ABCA13: variants seen among roughly 807,000 people sequenced by gnomAD.
The protein encoded by ABCA13 is ATP binding cassette subfamily A member 13.
A neutral mutation model predicts 478.7 loss-of-function variants in ABCA13; 476 were observed. The ratio of observed to expected loss-of-function variants is 0.99; its 90% CI spans 0.92 to 1.07. The LOEUF (loss-of-function observed/expected upper bound fraction) is 1.07. Among genes scored for constraint, ABCA13 ranks in the 50% least tolerant of loss-of-function variants. The probability of loss-of-function intolerance (pLI) is 0.00; values close to 1 mark genes in which losing one functional copy is unlikely to be tolerated. For missense variants in ABCA13, 6,060 were observed against 5,910.6 expected (o/e 1.03, Z -0.83); for synonymous variants, 2,252 against 2,158.9 (o/e 1.04, Z -1.20).
At chr7:48,579,389 T>C (rs1447814406) in intron 55 of ABCA13, among the ~76,000 whole-genome samples, 2 of 152,180 alleles carry the variant, frequency 1.3e-5, no homozygotes, top group East Asian at 1.9e-4. Context: ...TCATATGTCA[T>C]TGGAAAATTG....
At chr7:48,172,017 GGT>G (rs2128837955) in intron 1 of ABCA13, among the ~76,000 whole-genome samples, 1 of 152,230 alleles carries the variant, frequency 6.6e-6, no homozygotes, top group Admixed American at 6.5e-5. Flanking sequence ...TATTCTGTAG[GGT>G]CACCATCTTT....
intron 29 of ABCA13, among the ~76,000 whole-genome samples, chr7:48,340,267 C>G (rs1166518691): frequency 6.6e-6 from 1 of 152,024 alleles, no homozygotes; most frequent in Non-Finnish European, 1.5e-5. Context: ...CCGCCATGCC[C>G]GGCTAATTTT....
chr7:48,349,460 A>C (rs1808603372), intron 29 of ABCA13, among the ~76,000 whole-genome samples: 1 of 152,218 alleles, frequency 6.6e-6, no homozygotes, highest in African/African-American at 2.4e-5. Flanking sequence ...AGTTGAGGCC[A>C]GGACATGTCA....
intron 1 of ABCA13, 36 bp downstream of exon 1, chr7:48,171,588 T>C: frequency 6.5e-7 from 1 of 1,533,346 alleles, no homozygotes. Context: ...AGGGTTCCAG[T>C]GAGGTCTGGA....
chr7:48,262,672 C>T (rs1366354486), intron 15 of ABCA13, among the ~76,000 whole-genome samples: 1 of 151,878 alleles, frequency 6.6e-6, no homozygotes, highest in African/African-American at 2.4e-5. Flanking sequence ...GGATATTCCA[C>T]AGCTTGATAG....
Position 48,245,961 on chromosome 7 carries a change from A to G in ABCA13, c.1590A>G (p.Gly530=), listed in dbSNP as rs371763941. The change falls in exon 13 of 62, where the codon GGA becomes GGG. Residue 530 remains glycine (G), a synonymous_variant. Coordinates refer to ENST00000435803, the MANE Select transcript of ABCA13 (RefSeq NM_152701.5). ...GNSSIWGGLQ[G]LLCYCNSSET... ...CCAGCATATGGGGTGGTCTCCAGGG[A>G]CTGTTGTGCTATTGTAACTCCTCTG... 2.0e-4 allele frequency: 322 copies of G among 1,613,748 alleles called. No homozygotes were observed. The African/African-American group carries it at 3.8e-3, about 19-fold the overall frequency.
Position 48,276,167 on chromosome 7 carries a change from T to C in ABCA13, c.6501T>C (p.Thr2167=). The C allele has an allele frequency of 6.3e-7, 1 of 1,594,642 alleles. No individual in the cohort carries two copies. Among genetic ancestry groups the C allele is most frequent in the Non-Finnish European group, 8.5e-7 (1 of 1,170,820 alleles). ...CTTTGTTAGCCAAAGCTATTGCTAC[T>C]TTTTGGGGCTCTTTAAAAAATATAT... The part of the protein sequence containing the change: ...DIALLAKAIA[T]FWGSLKNISR... The change falls in exon 17 of 62, where the codon ACT becomes ACC. Residue 2167 remains threonine (T), a synonymous_variant. Transcript: ENST00000435803.
rs757761110 is a variant in ABCA13, at chr7:48,219,434, A to G, written c.368A>G (p.Glu123Gly). ...TTAAAAGAGATACAAGACCTGGCAG[A>G]GGAAATTCATGGAATGATGGACAAG... is the stretch of plus-strand genomic sequence containing the variant. ...AFLKEIQDLAEEIHGMMDKAK... is the reference protein window; with the variant it reads ...AFLKEIQDLAGEIHGMMDKAK... The change falls in exon 4 of 62, where the codon GAG becomes GGG. Residue 123 changes from glutamate to glycine, a missense_variant. By Grantham distance (98) the Glu-to-Gly change is moderately conservative (BLOSUM62 -2). Coordinates refer to ENST00000435803, the MANE Select transcript of ABCA13 (RefSeq NM_152701.5). 3.7e-6 allele frequency: 6 copies of G among 1,613,628 alleles called. 1 individual carries two copies. The South Asian group carries it at 6.6e-5, about 18-fold the overall frequency.
At chr7:48,367,480 CA>C (rs1811856727) in intron 31 of ABCA13, among the ~76,000 whole-genome samples, 1 of 152,192 alleles carries the variant, frequency 6.6e-6, no homozygotes, top group African/African-American at 2.4e-5. Flanking sequence ...GGGGAAATGG[CA>C]GGCATGGATT....
chr7:48,602,819 A>G (rs1168914544), intron 58 of ABCA13, among the ~76,000 whole-genome samples: 1 of 152,090 alleles, frequency 6.6e-6, no homozygotes, highest in Non-Finnish European at 1.5e-5. Flanking sequence ...TATTTTGGAC[A>G]GTATGGCCAT....
intron 47 of ABCA13, among the ~76,000 whole-genome samples, chr7:48,486,546 C>T (rs1829320855): frequency 6.6e-6 from 1 of 152,132 alleles, no homozygotes; most frequent in South Asian, 2.1e-4. Flanking sequence ...CTTTGTCCCC[C>T]AACTTGCTAG....
rs117846191 is a variant in ABCA13 at position 48,507,202 on chromosome 7, C to T, written c.13347-670C>T. On this transcript the variant is annotated intron_variant, in intron 49 of 61. Coordinates refer to ENST00000435803, the MANE Select transcript of ABCA13 (RefSeq NM_152701.5). Reference sequence around the variant, plus strand: ...CTGACATCTGTTGTAGAATGCGACACGATGGAGCAGAAGGCATGGCACAGC... The same window carrying T: ...CTGACATCTGTTGTAGAATGCGACATGATGGAGCAGAAGGCATGGCACAGC... Among the ~76,000 whole-genome samples the T allele has an allele frequency of 2.6e-4, 40 of 152,226 alleles. 1 individual carries two copies. The East Asian group carries it at 6.9e-3, about 26-fold the overall frequency.
rs1562591545 is a variant in ABCA13, at chr7:48,646,241, ATGCATTTTC to A, written c.*731_*739del. ...ATGAGGGTAGAGAAATAAAATGTAG[ATGCATTTTC>A]TTTTTCTTCATTTGGATGAATAATT... On this transcript the variant is annotated 3_prime_UTR_variant, in exon 62 of 62. Transcript: ENST00000435803. The A allele has an allele frequency of 6.6e-6, 1 of 152,152 alleles. No individual in the cohort carries two copies. The highest frequency in any genetic ancestry group is 1.9e-4 in the East Asian group (1 of 5,180). The allele number at this position is 152,152 out of a possible 1,614,324, so 9.4% of individuals were successfully genotyped here.
At position 48,524,301 on chromosome 7, in the gene ABCA13, A is replaced by T. The variant is rs750334522; in HGVS notation, c.14105A>T (p.Glu4702Val). The T allele has an allele frequency of 3.7e-6, 6 of 1,612,972 alleles. No individual in the cohort carries two copies. The highest frequency in any genetic ancestry group is 5.1e-6 in the Non-Finnish European group (6 of 1,179,472). The change falls in exon 54 of 62, where the codon GAA becomes GTA. Residue 4702 changes from glutamate to valine, a missense_variant. Glu to Val is a moderately radical substitution (Grantham distance 121). Coordinates refer to ENST00000435803, the MANE Select transcript of ABCA13 (RefSeq NM_152701.5). ...AAATCTTCTAAGGATACAGATGTTG[A>T]AAAAGAGGAAAAGAGAGTGTTTGAA... is the stretch of plus-strand genomic sequence containing the variant. ...TVKSSKDTDV[E>V]KEEKRVFEGR...
chr7:48,582,387 A>G (rs1353445275), intron 56 of ABCA13, among the ~76,000 whole-genome samples: 1 of 152,140 alleles, frequency 6.6e-6, no homozygotes, highest in Non-Finnish European at 1.5e-5. Flanking sequence ...CTTCTCTAAC[A>G]TGGGGCTCCT....
At chr7:48,632,860 C>CA in intron 59 of ABCA13, among the ~76,000 whole-genome samples, 1 of 152,068 alleles carries the variant, frequency 6.6e-6, no homozygotes. Context: ...GAGAACTGGA[C>CA]AGTCACATGC....
intron 42 of ABCA13, among the ~76,000 whole-genome samples, chr7:48,446,282 T>A (rs540183640): frequency 4.0e-5 from 6 of 151,870 alleles, no homozygotes; most frequent in Admixed American, 3.9e-4. Context: ...CCTGTTAGAG[T>A]ATCTTTAAGC....
chr7:48,330,018 C>T (rs1804995157), intron 27 of ABCA13, among the ~76,000 whole-genome samples: 1 of 149,160 alleles, frequency 6.7e-6, no homozygotes, highest in Admixed American at 6.7e-5. Flanking sequence ...TCTATTCATC[C>T]ATTGATCTAT....
chr7:48,521,369 T>C (rs1832534087), intron 53 of ABCA13, among the ~76,000 whole-genome samples: 2 of 152,220 alleles, frequency 1.3e-5, no homozygotes, highest in Admixed American at 1.3e-4. Context: ...TGATTAATAA[T>C]TTATGGTGAT....
Sources: allele counts gnomAD v4.1 joint callset (sites outside exome capture counted in the v4.1 genomes callset), GRCh38; gene constraint gnomAD v4.1.1; transcripts MANE v1.5; gene names NCBI Gene and HGNC (gene_info 2026-07-23, HGNC 2026-07-21).